Variants in LRRTM4 observed in about 807,000 individuals in gnomAD.
LRRTM4 encodes leucine-rich repeat transmembrane neuronal protein 4.
A neutral mutation model predicts 47.6 loss-of-function variants in LRRTM4; 25 were observed. The observed-to-expected ratio is 0.53, with a 90% CI of 0.38 to 0.73. The LOEUF (loss-of-function observed/expected upper bound fraction) is 0.73. Ranked by LOEUF, LRRTM4 falls within the 30% of genes least tolerant of loss-of-function variation. LRRTM4 has a pLI of 0.00. For synonymous variants in LRRTM4, 311 were observed against 269.5 expected, an observed-to-expected ratio of 1.15 and a Z score of -1.51; for missense variants, 638 against 713.4, an observed-to-expected ratio of 0.89 and a Z score of 1.20.
At chr2:77,219,809 T>C (rs1182915951) in intron 3 of LRRTM4, among the ~76,000 whole-genome samples, 1 of 152,092 alleles carries the variant, frequency 6.6e-6, no homozygotes, top group Non-Finnish European at 1.5e-5. Context: ...AACACAGCAA[T>C]AACCTCTGCA....
In LRRTM4 at chr2:77,500,923, C is replaced by A. The variant is rs530437778; in HGVS notation, c.1551+17395G>T. Among the ~76,000 whole-genome samples the A allele has an allele frequency of 2.3e-4, 35 of 151,312 alleles. 1 individual carries two copies. Among genetic ancestry groups the A allele is most frequent in the African/African-American group, 7.2e-4 (30 of 41,412 alleles). On this transcript the variant is annotated intron_variant, in intron 3 of 3. Transcript: ENST00000409884. ...TGAAACAAATAATTCCAGAAGCATACAAACAAAATTTAGACCAGTATAGCT... is the reference window on the plus strand; with the variant it reads ...TGAAACAAATAATTCCAGAAGCATAAAAACAAAATTTAGACCAGTATAGCT...
At chr2:76,870,194 A>AT (rs1295087896) in intron 3 of LRRTM4, among the ~76,000 whole-genome samples, 1 of 152,110 alleles carries the variant, frequency 6.6e-6, no homozygotes, top group Non-Finnish European at 1.5e-5. Flanking sequence ...CTTGCTCAGC[A>AT]TTTTTGCATA....
chr2:77,496,705 T>G (rs1678377701), intron 3 of LRRTM4, among the ~76,000 whole-genome samples: 1 of 151,816 alleles, frequency 6.6e-6, no homozygotes, highest in South Asian at 2.1e-4. Context: ...GTGTATAGAA[T>G]TGTACACAAA....
intron 3 of LRRTM4, among the ~76,000 whole-genome samples, chr2:77,508,969 T>C (rs954389078): frequency 1.3e-5 from 2 of 152,070 alleles, no homozygotes; most frequent in East Asian, 3.9e-4. Flanking sequence ...CAGCAGCTCA[T>C]GCCTGTAATC....
chr2:76,838,934 T>A (rs1033564924), intron 3 of LRRTM4, among the ~76,000 whole-genome samples: 1 of 152,110 alleles, frequency 6.6e-6, no homozygotes, highest in Non-Finnish European at 1.5e-5. Context: ...TTTGTTTCAG[T>A]TTACATAATA....
At chr2:77,313,166 G>A (rs1472818495) in intron 3 of LRRTM4, among the ~76,000 whole-genome samples, 2 of 146,732 alleles carry the variant, frequency 1.4e-5, no homozygotes, top group Non-Finnish European at 3.0e-5. Context: ...TTGCTGTGAC[G>A]TGCCTCCCTA....
intron 3 of LRRTM4, among the ~76,000 whole-genome samples, chr2:77,282,403 T>C (rs964032299): frequency 5.9e-5 from 9 of 151,856 alleles, no homozygotes; most frequent in African/African-American, 1.9e-4. Flanking sequence ...GTTTGACTTA[T>C]TCTTTTCCCA....
At chr2:77,142,432 C>T (rs1573004323) in intron 3 of LRRTM4, among the ~76,000 whole-genome samples, 1 of 56,574 alleles carries the variant, frequency 1.8e-5, no homozygotes, top group Non-Finnish European at 2.8e-5. Context: ...CACACACATA[C>T]ACACACACAC....
rs115698720 is a variant in LRRTM4, at chr2:76,753,739, T to C, written c.1552-4823A>G. Among the ~76,000 whole-genome samples the C allele has an allele frequency of 3.3e-3, 496 of 152,262 alleles. 3 individuals carry two copies. The highest frequency in any genetic ancestry group is 0.011 in the African/African-American group (462 of 41,560). On this transcript the variant is annotated intron_variant, in intron 3 of 3. Transcript: ENST00000409884. Reference sequence around the variant, plus strand: ...AAATCCCATAATTCTAAATCTACCATAATTATATTTAAAGTGAGAAATGAA... The same window carrying C: ...AAATCCCATAATTCTAAATCTACCACAATTATATTTAAAGTGAGAAATGAA...
intron 3 of LRRTM4, among the ~76,000 whole-genome samples, chr2:77,412,071 G>C (rs1674463465): frequency 6.6e-6 from 1 of 151,930 alleles, no homozygotes; most frequent in Non-Finnish European, 1.5e-5. Context: ...TTTAAGAATG[G>C]ACCACTTGTC....
intron 3 of LRRTM4, among the ~76,000 whole-genome samples, chr2:76,808,840 A>T (rs1289426900): frequency 6.6e-6 from 1 of 152,124 alleles, no homozygotes; most frequent in Non-Finnish European, 1.5e-5. Flanking sequence ...TTTCAGTTCA[A>T]CTCAGAAAAT....
chr2:76,964,694 C>A, intron 3 of LRRTM4, among the ~76,000 whole-genome samples: 1 of 148,474 alleles, frequency 6.7e-6, no homozygotes, highest in Non-Finnish European at 1.5e-5. Flanking sequence ...AAAATAAAAG[C>A]AATTTAAGCT....
chr2:77,233,084 A>G (rs1176489549), intron 3 of LRRTM4, among the ~76,000 whole-genome samples: 1 of 152,212 alleles, frequency 6.6e-6, no homozygotes, highest in Non-Finnish European at 1.5e-5. Flanking sequence ...AGAGTTTTCT[A>G]GGGTGATTCA....
intron 3 of LRRTM4, among the ~76,000 whole-genome samples, chr2:77,303,953 T>C (rs1321681559): frequency 2.6e-5 from 4 of 152,202 alleles, no homozygotes; most frequent in Non-Finnish European, 2.9e-5. Flanking sequence ...ACTGACTTCA[T>C]TTCCTTTGGA....
At chr2:77,331,453 C>T (rs1670969067) in intron 3 of LRRTM4, among the ~76,000 whole-genome samples, 1 of 152,172 alleles carries the variant, frequency 6.6e-6, no homozygotes, top group South Asian at 2.1e-4. Context: ...GGGAAAGACA[C>T]TGTAATTGAA....
intron 3 of LRRTM4, among the ~76,000 whole-genome samples, chr2:76,862,724 G>C (rs1376419292): frequency 1.3e-5 from 2 of 152,192 alleles, no homozygotes; most frequent in African/African-American, 2.4e-5. Flanking sequence ...CAGTTTCTCT[G>C]TTAAACTGGA....
chr2:77,215,929 T>A (rs1297557921), intron 3 of LRRTM4, among the ~76,000 whole-genome samples: 1 of 152,202 alleles, frequency 6.6e-6, no homozygotes, highest in Non-Finnish European at 1.5e-5. Context: ...AATGGCAACA[T>A]TGAAAAATTC....
At chr2:76,847,316 G>A (rs1185926246) in intron 3 of LRRTM4, among the ~76,000 whole-genome samples, 1 of 152,122 alleles carries the variant, frequency 6.6e-6, no homozygotes, top group East Asian at 1.9e-4. Flanking sequence ...CGATAGAAAA[G>A]ATGTTTTCTG....
At chr2:77,016,986 G>A (rs985756864) in intron 3 of LRRTM4, among the ~76,000 whole-genome samples, 3 of 151,898 alleles carry the variant, frequency 2.0e-5, no homozygotes, top group Non-Finnish European at 2.9e-5. Flanking sequence ...GTAGCAAGCT[G>A]TGAATACTCC....
Sources: gnomAD v4.1 joint callset for allele counts (sites outside exome capture counted in the v4.1 genomes callset) on GRCh38, gnomAD v4.1.1 for gene constraint, MANE v1.5 for transcripts, NCBI Gene and HGNC (gene_info 2026-07-23, HGNC 2026-07-21) for gene names.